Variants in MED28 observed in about 807,000 individuals in gnomAD.
The protein encoded by MED28 is mediator of RNA polymerase II transcription subunit 28.
MED28 carries 26 observed loss-of-function variants against 21.3 expected under a neutral mutation model. The observed-to-expected ratio is 1.22, with a 90% CI of 0.89 to 1.69. The LOEUF is 1.69. MED28 is among the 40% of genes most tolerant of loss of function. The probability of loss-of-function intolerance (pLI) is 0.00; values close to 1 mark genes in which losing one functional copy is unlikely to be tolerated. For synonymous variants in MED28, 110 were observed against 87.6 expected, an observed-to-expected ratio of 1.26 and a Z score of -1.43; for missense variants, 257 against 215.4, an observed-to-expected ratio of 1.19 and a Z score of -1.21.
chr4:17,614,707 A>C lies in MED28; in HGVS notation c.53A>C (p.Gln18Pro). The C allele has an allele frequency of 6.2e-7, 1 of 1,614,144 alleles. No individual in the cohort carries two copies. Among genetic ancestry groups the C allele is most frequent in the Non-Finnish European group, 8.5e-7 (1 of 1,180,026 alleles). ...MFSGQPPGPP[Q>P]APPGLPGQAS... ...TCTGGGCAGCCACCCGGTCCCCCTC[A>C]GGCCCCGCCGGGCCTTCCGGGCCAA... Residue 18 changes from glutamine to proline, a missense_variant, in exon 1 of 4, where the codon CAG (glutamine) becomes CCG (proline). Physicochemically the swap from Gln to Pro is moderately conservative, Grantham distance 76 (BLOSUM62 -1). Transcript: ENST00000237380.
chr4:17,632,507 T>G lies in MED28; in HGVS notation c.*8709T>G, dbSNP rs1714983910. The G allele has an allele frequency of 6.7e-7, 1 of 1,503,226 alleles. No individual in the cohort carries two copies. The highest frequency in any genetic ancestry group is 1.4e-5 in the African/African-American group (1 of 71,904). 93.1% of individuals were successfully genotyped at this position (1,503,226 alleles called of 1,614,324 possible). ...TAAAATAAATGTTTTTCAAGTATCC[T>G]CTGTGATGTATCCCAAAGGTTAGCT... On this transcript the variant is annotated 3_prime_UTR_variant, in exon 4 of 4. Coordinates refer to ENST00000237380, the MANE Select transcript of MED28 (RefSeq NM_025205.5).
chr4:17,618,636 C>G (rs928497882), intron 1 of MED28, among the ~76,000 whole-genome samples: 7 of 152,174 alleles, frequency 4.6e-5, no homozygotes, highest in African/African-American at 1.2e-4. Context: ...CCTGCCTCAG[C>G]CTCCCGAGTA....
chr4:17,620,235 A>AT (rs1714579740), intron 2 of MED28, among the ~76,000 whole-genome samples: 1 of 152,190 alleles, frequency 6.6e-6, no homozygotes, highest in Admixed American at 6.5e-5. Flanking sequence ...TTTTAAAAAA[A>AT]TTTTATTATT....
chr4:17,625,796 G>A lies in MED28; in HGVS notation c.*1998G>A. On this transcript the variant is annotated 3_prime_UTR_variant, in exon 4 of 4. Coordinates refer to ENST00000237380, the MANE Select transcript of MED28 (RefSeq NM_025205.5). ...CTGCCAAGCACTGCTCTGGTACTGGGGAGTGGAGTATTATGTCTTGGAAGA... is the reference window on the plus strand; with the variant it reads ...CTGCCAAGCACTGCTCTGGTACTGGAGAGTGGAGTATTATGTCTTGGAAGA... 2 of 370,920 alleles carry A rather than the reference G, an allele frequency of 5.4e-6. No individual in the cohort carries two copies. The highest frequency in any genetic ancestry group is 1.0e-5 in the Non-Finnish European group (2 of 191,638). The allele number at this position is 370,920 out of a possible 1,614,324, so 23.0% of individuals were successfully genotyped here.
intron 1 of MED28, among the ~76,000 whole-genome samples, chr4:17,617,659 C>G (rs560096223): frequency 2.2e-4 from 34 of 152,186 alleles, no homozygotes; most frequent in Non-Finnish European, 4.4e-4. Context: ...GTAATCCCAG[C>G]ACTTTGGGAG....
At chr4:17,618,578 G>A (rs1714525414) in intron 1 of MED28, among the ~76,000 whole-genome samples, 1 of 152,084 alleles carries the variant, frequency 6.6e-6, no homozygotes. Context: ...GTGCAGTGGT[G>A]CAGTCTTGGC....
rs561759021 is a variant in MED28, at chr4:17,625,507, A to G, written c.*1709A>G. 3.2e-5 allele frequency: 9 copies of G among 277,974 alleles called. No homozygotes were observed. The East Asian group carries it at 9.1e-4, about 28-fold the overall frequency. The allele number at this position is 277,974 out of a possible 1,614,324, so 17.2% of individuals were successfully genotyped here. On this transcript the variant is annotated 3_prime_UTR_variant, in exon 4 of 4. Coordinates refer to ENST00000237380, the MANE Select transcript of MED28 (RefSeq NM_025205.5). ...TGATTAGGTTTTAGGCGTTCTTTCA[A>G]AGAGGTTCTTGAGAAGATTGAGAAC...
chr4:17,620,307 C>T (rs1048954692), intron 2 of MED28, among the ~76,000 whole-genome samples: 37 of 151,536 alleles, frequency 2.4e-4, no homozygotes, highest in African/African-American at 7.5e-4. Flanking sequence ...AAGTTCTGTC[C>T]CTAAAGGTAA....
At chr4:17,615,778 C>A (rs1220651479) in intron 1 of MED28, among the ~76,000 whole-genome samples, 1 of 151,974 alleles carries the variant, frequency 6.6e-6, no homozygotes, top group East Asian at 1.9e-4. Context: ...CCATTGCACT[C>A]CAGCGTGGGT....
At chr4:17,615,968 A>G (rs1436375671) in intron 1 of MED28, among the ~76,000 whole-genome samples, 1 of 152,178 alleles carries the variant, frequency 6.6e-6, no homozygotes, top group Non-Finnish European at 1.5e-5. Flanking sequence ...AGATTTAGAA[A>G]TAAATGATTT....
At position 17,625,681 on chromosome 4, in the gene MED28, C is replaced by G. The variant is rs1451853920; in HGVS notation, c.*1883C>G. On this transcript the variant is annotated 3_prime_UTR_variant, in exon 4 of 4. Coordinates refer to ENST00000237380, the MANE Select transcript of MED28 (RefSeq NM_025205.5). ...ACATCTTACTGGGTGATGAATAATC[C>G]TCTAAGAAACCCTCTGAGCTGCTAA... 4.5e-6 allele frequency: 2 copies of G among 447,254 alleles called. No individual in the cohort carries two copies. Among genetic ancestry groups the G allele is most frequent in the Admixed American group, 5.1e-5 (2 of 39,242 alleles). The allele number at this position is 447,254 out of a possible 1,614,324, so 27.7% of individuals were successfully genotyped here. A position where few individuals can be genotyped will look rare whatever the true frequency, so the allele number is the denominator to read the frequency against.
In MED28 at chr4:17,623,465, G is replaced by T; in HGVS notation, c.340-136G>T. ...CTGTCATCTGGGTTAATCAAATAGT[G>T]GAGCCAAGCAGAGTAATGGGCTTAA... On this transcript the variant is annotated intron_variant, in intron 3 of 3. Coordinates refer to ENST00000237380, the MANE Select transcript of MED28 (RefSeq NM_025205.5). 5.2e-6 allele frequency: 4 copies of T among 769,626 alleles called. No homozygotes were observed. In the South Asian group the frequency reaches 7.0e-5, roughly 14 times the overall value. The allele number at this position is 769,626 out of a possible 1,614,324, so 47.7% of individuals were successfully genotyped here.
Position 17,633,971 on chromosome 4 carries a change from C to CCAAT in MED28, c.*10177_*10180dup. ...TATTGTAAAAGCAAATAATGCTCAC[C>CCAAT]CAATCAAAATTGTATCGGAGAAGAA... On this transcript the variant is annotated 3_prime_UTR_variant, in exon 4 of 4. Coordinates refer to ENST00000237380, the MANE Select transcript of MED28 (RefSeq NM_025205.5). 1 of 1,120,008 alleles carries CCAAT rather than the reference C, an allele frequency of 8.9e-7. No homozygotes were observed. Among genetic ancestry groups the CCAAT allele is most frequent in the East Asian group, 3.0e-5 (1 of 32,828 alleles). 69.4% of individuals were successfully genotyped at this position (1,120,008 alleles called of 1,614,324 possible).
chr4:17,633,277 T>C lies in MED28; in HGVS notation c.*9479T>C, dbSNP rs575812806. ...TAGAGTAAATCTTGAGGAATAATGT[T>C]AGTAATAATACTGAAACTATATTGA... On this transcript the variant is annotated 3_prime_UTR_variant, in exon 4 of 4. Transcript: ENST00000237380. 352 of 156,906 alleles carry C rather than the reference T, an allele frequency of 2.2e-3. 4 individuals are homozygous for C. The highest frequency in any genetic ancestry group is 8.4e-4 in the Non-Finnish European group (60 of 71,270). The allele number at this position is 156,906 out of a possible 1,614,324, so 9.7% of individuals were successfully genotyped here. A position where few individuals can be genotyped will look rare whatever the true frequency, so the allele number is the denominator to read the frequency against.
rs1714815242 is a variant in MED28, at chr4:17,628,168, T to C, written c.*4370T>C. On this transcript the variant is annotated 3_prime_UTR_variant, in exon 4 of 4. Transcript: ENST00000237380. ...AAATAAACCACTTAATAATTTTGTC[T>C]AAGCACGTACAAAGAAAATTCAAGG... 1 of 152,046 alleles carries C rather than the reference T, an allele frequency of 6.6e-6. No individual in the cohort carries two copies. The highest frequency in any genetic ancestry group is 2.1e-4 in the South Asian group (1 of 4,826). The allele number at this position is 152,046 out of a possible 1,614,324, so 9.4% of individuals were successfully genotyped here.
At chr4:17,621,749 C>A in intron 3 of MED28, 50 bp downstream of exon 3, 1 of 1,218,192 alleles carries the variant, frequency 8.2e-7, no homozygotes, top group South Asian at 1.4e-5. Context: ...TAAGTGGTGC[C>A]AGGATTCCTT....
intron 2 of MED28, among the ~76,000 whole-genome samples, chr4:17,620,688 G>GTC (rs1553824906): frequency 2.5e-5 from 3 of 119,354 alleles, no homozygotes; most frequent in African/African-American, 1.0e-4. Context: ...TCTCTGCATT[G>GTC]TCTCTTTTTT....
chr4:17,615,168 A>G (rs927670639), intron 1 of MED28, among the ~76,000 whole-genome samples: 1 of 152,176 alleles, frequency 6.6e-6, no homozygotes, highest in Non-Finnish European at 1.5e-5. Context: ...TGAGAGTTTC[A>G]CTGCTGTATC....
rs1456133568 is a variant in MED28 at position 17,633,915 on chromosome 4, G to A, written c.*10117G>A. The A allele has an allele frequency of 7.4e-7, 1 of 1,357,984 alleles. No individual in the cohort carries two copies. The highest frequency in any genetic ancestry group is 2.1e-4 in the Middle Eastern group (1 of 4,758). 84.1% of individuals were successfully genotyped at this position (1,357,984 alleles called of 1,614,324 possible). A position where few individuals can be genotyped will look rare whatever the true frequency, so the allele number is the denominator to read the frequency against. ...TGTTTGTATTAATGGACAGGTTAGT[G>A]CAATGCAATGCAAAAAACAAAATAA... On this transcript the variant is annotated 3_prime_UTR_variant, in exon 4 of 4. Coordinates refer to ENST00000237380, the MANE Select transcript of MED28 (RefSeq NM_025205.5).
Sources: gnomAD v4.1 joint callset for allele counts (sites outside exome capture counted in the v4.1 genomes callset) on GRCh38, gnomAD v4.1.1 for gene constraint, MANE v1.5 for transcripts, NCBI Gene and HGNC (gene_info 2026-07-23, HGNC 2026-07-21) for gene names.